The following ZEB2 variants were observed in gnomAD, a reference collection of about 807,000 sequenced individuals.
ZEB2 encodes zinc finger E-box-binding homeobox 2.
ZEB2 carries 6 observed loss-of-function variants against 99.9 expected under a neutral mutation model. The ratio of observed to expected loss-of-function variants is 0.06; its 90% CI spans 0.03 to 0.12. ZEB2 has a LOEUF of 0.12. ZEB2 is among the 10% of genes least tolerant of loss of function. The probability of loss-of-function intolerance (pLI) is 1.00; values close to 1 mark genes in which losing one functional copy is unlikely to be tolerated. For missense variants in ZEB2, 969 were observed against 1,502.8 expected (o/e 0.64, Z 5.87); for synonymous variants, 517 against 542.5 (o/e 0.95, Z 0.65).
chr2:144,401,372 AT>A, intron 6 of ZEB2, 65 bp from the exon 7 acceptor site: 1 of 1,546,840 alleles, frequency 6.5e-7, no homozygotes, highest in Non-Finnish European at 8.9e-7. Flanking sequence ...TGTTACAAAT[AT>A]TTTTAAAAGG....
intron 2 of ZEB2, among the ~76,000 whole-genome samples, chr2:144,493,203 T>C (rs1198248567): frequency 6.6e-6 from 1 of 152,178 alleles, no homozygotes; most frequent in East Asian, 1.9e-4. Flanking sequence ...TATTGTTTCC[T>C]CTTTTCAAGA....
Position 144,386,141 on chromosome 2 carries a change from C to T in ZEB2, c.*3310G>A, listed in dbSNP as rs1356193268. On this transcript the variant is annotated 3_prime_UTR_variant, in exon 10 of 10. Coordinates refer to ENST00000627532, the MANE Select transcript of ZEB2 (RefSeq NM_014795.4). ...AGTTGTTCCAGTGTTTCCTCATCCT[C>T]CCCTGCCCCCTATTCGAGGGGGGAA... 1 of 152,160 alleles carries T rather than the reference C, an allele frequency of 6.6e-6. No individual in the cohort carries two copies. The highest frequency in any genetic ancestry group is 1.5e-5 in the Non-Finnish European group (1 of 68,026). The allele number at this position is 152,160 out of a possible 1,614,324, so 9.4% of individuals were successfully genotyped here. A position where few individuals can be genotyped will look rare whatever the true frequency, so the allele number is the denominator to read the frequency against.
intron 2 of ZEB2, among the ~76,000 whole-genome samples, chr2:144,489,006 G>A (rs1704639542): frequency 6.6e-6 from 1 of 152,074 alleles, no homozygotes; most frequent in East Asian, 1.9e-4. Context: ...TTTTAAAAAG[G>A]CATGAATGTT....
rs186451115 is a variant in ZEB2, at chr2:144,477,188, C to G, written c.73+40090G>C. Among the ~76,000 whole-genome samples the G allele has an allele frequency of 3.3e-5, 5 of 152,228 alleles. No homozygotes were observed. In the East Asian group the frequency reaches 9.6e-4, roughly 29 times the overall value. On this transcript the variant is annotated intron_variant, in intron 2 of 9. Coordinates refer to ENST00000627532, the MANE Select transcript of ZEB2 (RefSeq NM_014795.4). ...CCAGATAAAATATAATGTTGTGAGG[C>G]TGAAAAGTGCATGCAAAGCAAGCTG...
At position 144,520,074 on chromosome 2, in the gene ZEB2, A is replaced by G. The variant is rs886054898; in HGVS notation, c.-205T>C. ...CAAACTGTACAAAAACCTCGCCAAG[A>G]GTGTCGGGAGGCAGGACCGTTATTC... On this transcript the variant is annotated 5_prime_UTR_variant, in exon 1 of 10. Coordinates refer to ENST00000627532, the MANE Select transcript of ZEB2 (RefSeq NM_014795.4). 1 of 454,556 alleles carries G rather than the reference A, an allele frequency of 2.2e-6. No individual in the cohort carries two copies. Among genetic ancestry groups the G allele is most frequent in the Admixed American group, 2.3e-5 (1 of 42,574 alleles). The allele number at this position is 454,556 out of a possible 1,614,324, so 28.2% of individuals were successfully genotyped here.
chr2:144,465,842 T>C (rs144859272), intron 2 of ZEB2, among the ~76,000 whole-genome samples: 1 of 152,202 alleles, frequency 6.6e-6, no homozygotes, highest in Non-Finnish European at 1.5e-5. Flanking sequence ...CCTGAGGTTG[T>C]ACCTACAGGA....
chr2:144,464,393 A>G (rs1704242409), intron 2 of ZEB2: 1 of 152,194 alleles, frequency 6.6e-6, no homozygotes, highest in South Asian at 2.1e-4. Flanking sequence ...TAAATCTACC[A>G]TTTGGTTATT....
At chr2:144,478,261 G>A in intron 2 of ZEB2, among the ~76,000 whole-genome samples, 1 of 152,174 alleles carries the variant, frequency 6.6e-6, no homozygotes, top group Admixed American at 6.5e-5. Flanking sequence ...AATCTACAAG[G>A]ACACTTAGAG....
At position 144,502,499 on chromosome 2, in the gene ZEB2, C is replaced by T. The variant is rs891682949; in HGVS notation, c.73+14779G>A. Among the ~76,000 whole-genome samples, 4 of 152,270 alleles carry T rather than the reference C, an allele frequency of 2.6e-5. No homozygotes were observed. The East Asian group carries it at 7.7e-4, about 29-fold the overall frequency. On this transcript the variant is annotated intron_variant, in intron 2 of 9. Transcript: ENST00000627532. ...GATCCCAGGCCTTAGTCAGTCTTAG[C>T]TCCCTGTATCTTCTCACTCTGACCC...
intron 2 of ZEB2, among the ~76,000 whole-genome samples, chr2:144,480,815 T>C (rs1194380658): frequency 2.6e-5 from 4 of 152,022 alleles, no homozygotes; most frequent in African/African-American, 7.3e-5. Flanking sequence ...AAATAGGCAA[T>C]GTCACTACTG....
rs1704803975 is a variant in ZEB2, at chr2:144,498,018, T to TTATATATTATATAATATATATTAATAA, written c.73+19259_73+19260insTTATTAATATATATTATATAATATATA. Among the ~76,000 whole-genome samples, 10 of 16,978 alleles carry TTATATATTATATAATATATATTAATAA rather than the reference T, an allele frequency of 5.9e-4. 5 individuals are homozygous for TTATATATTATATAATATATATTAATAA. Among genetic ancestry groups the TTATATATTATATAATATATATTAATAA allele is most frequent in the East Asian group, 3.9e-3 (2 of 518 alleles). The allele number at this position is 16,978 out of a possible 152,430, so 11.1% of individuals were successfully genotyped here. A position where few individuals can be genotyped will look rare whatever the true frequency, so the allele number is the denominator to read the frequency against. Reference sequence around the variant, plus strand: ...TTATATATTATATAATATATTAATATTATATATTATATAATATATATTAAT... The same window carrying TTATATATTATATAATATATATTAATAA: ...TTATATATTATATAATATATTAATATTATATATTATATAATATATATTAATAATATATATTATATAATATATATTAAT... On this transcript the variant is annotated intron_variant, in intron 2 of 9. Coordinates refer to ENST00000627532, the MANE Select transcript of ZEB2 (RefSeq NM_014795.4).
At position 144,399,958 on chromosome 2, in the gene ZEB2, C is replaced by T. The variant is rs781638086; in HGVS notation, c.1229G>A (p.Ser410Asn). 1 of 1,614,218 alleles carries T rather than the reference C, an allele frequency of 6.2e-7. No homozygotes were observed. The highest frequency in any genetic ancestry group is 1.1e-5 in the South Asian group (1 of 91,084). The change falls in exon 8 of 10, where the codon AGT becomes AAT. Residue 410 changes from serine to asparagine, a missense_variant. Around this residue, in one of 8 missense-constraint regions of ZEB2, gnomAD observed 227 missense variants for 278.2 expected, o/e 0.82. Transcript: ENST00000627532. The surrounding 1 kb of genome is among the most constrained non-coding windows in gnomAD (Gnocchi z 5.6). ...YKVLMATHGF[S>N]GTSPFMNGGL... ...ACCATTCATAAAGGGACTAGTGCCACTAAACCCGTGTGTAGCCATAAGAAC... is the reference window on the plus strand; with the variant it reads ...ACCATTCATAAAGGGACTAGTGCCATTAAACCCGTGTGTAGCCATAAGAAC...
At position 144,389,544 on chromosome 2, in the gene ZEB2, C is replaced by T. The variant is rs1573707562; in HGVS notation, c.3552G>A (p.Glu1184=). The T allele has an allele frequency of 6.2e-7, 1 of 1,614,070 alleles. No individual in the cohort carries two copies. The highest frequency in any genetic ancestry group is 8.5e-7 in the Non-Finnish European group (1 of 1,180,030). ...TDPETIRDEE[E]TGDHSMDDSS... is the part of the protein sequence containing the mutation. ...TATCGTCCATGGAGTGATCTCCAGT[C>T]TCTTCTTCATCTCGTATCGTTTCGG... The change falls in exon 10 of 10, where the codon GAG becomes GAA. Residue 1184 remains glutamate, a synonymous_variant. Coordinates refer to ENST00000627532, the MANE Select transcript of ZEB2 (RefSeq NM_014795.4). This position sits in a 1 kb window ranked among gnomAD's most constrained non-coding sequence, Gnocchi z 6.8.
intron 2 of ZEB2, among the ~76,000 whole-genome samples, chr2:144,445,682 A>G (rs1277989556): frequency 6.8e-6 from 1 of 146,838 alleles, no homozygotes; most frequent in Non-Finnish European, 1.5e-5. Flanking sequence ...ACCCAACCAC[A>G]CACAAAATGA....
chr2:144,453,764 A>G (rs544242929), intron 2 of ZEB2, among the ~76,000 whole-genome samples: 13 of 152,296 alleles, frequency 8.5e-5, no homozygotes, highest in Middle Eastern at 6.8e-3. Context: ...CTAAGTTGAC[A>G]TCACTCAACA....
intron 2 of ZEB2, among the ~76,000 whole-genome samples, chr2:144,441,336 C>A (rs1233094306): frequency 6.6e-6 from 1 of 152,132 alleles, no homozygotes; most frequent in East Asian, 1.9e-4. Context: ...TAAGCCTGGA[C>A]GTGGCAAAAG....
At chr2:144,437,189 G>A (rs1703850142) in intron 2 of ZEB2, among the ~76,000 whole-genome samples, 1 of 152,080 alleles carries the variant, frequency 6.6e-6, no homozygotes, top group Non-Finnish European at 1.5e-5. Context: ...TACAATCCAA[G>A]GACATAATAC....
At chr2:144,517,523 G>T in intron 1 of ZEB2, 104 bp from the exon 2 acceptor site, 1 of 760,626 alleles carries the variant, frequency 1.3e-6, no homozygotes, top group Non-Finnish European at 2.3e-6. Context: ...GCACCCATCC[G>T]CGCCCCCCAA....
At chr2:144,507,568 C>G (rs921641734) in intron 2 of ZEB2, 1 of 151,854 alleles carries the variant, frequency 6.6e-6, no homozygotes, top group African/African-American at 2.4e-5. Flanking sequence ...CGTTTGCTCC[C>G]CTTACACTCT....
Sources: allele counts gnomAD v4.1 joint callset (sites outside exome capture counted in the v4.1 genomes callset), GRCh38; gene constraint gnomAD v4.1.1; regional missense constraint gnomAD v4.1.1; non-coding constraint Gnocchi (gnomAD v3.1); transcripts MANE v1.5; gene names NCBI Gene and HGNC (gene_info 2026-07-23, HGNC 2026-07-21).